Variants in AKAP7 observed in about 807,000 individuals in gnomAD.
AKAP7 encodes A-kinase anchoring protein 7, also known as A kinase (PRKA) anchor protein 7.
In AKAP7, 39 loss-of-function variants were observed where a neutral mutation model predicts 39.5. The observed-to-expected ratio is 0.99, with a 90% CI of 0.76 to 1.29. The LOEUF (loss-of-function observed/expected upper bound fraction) is 1.29. AKAP7 is among the 50% of genes most tolerant of loss of function. The probability of loss-of-function intolerance (pLI) is 0.00; values close to 1 mark genes in which losing one functional copy is unlikely to be tolerated. For synonymous variants in AKAP7, 140 were observed against 139.1 expected, an observed-to-expected ratio of 1.01 and a Z score of -0.05; for missense variants, 414 against 407.7, an observed-to-expected ratio of 1.02 and a Z score of -0.13.
intron 5 of AKAP7, chr6:131,185,082 CG>C: frequency 2.9e-6 from 2 of 689,188 alleles, no homozygotes; most frequent in Non-Finnish European, 5.5e-6. Flanking sequence ...ATCATCAACT[CG>C]GGGATCTGGG....
chr6:131,135,521 C>CGG lies in AKAP7; in HGVS notation c.-243_-242insGG. On this transcript the variant is annotated 5_prime_UTR_variant, in exon 1 of 8. Coordinates refer to ENST00000431975, the MANE Select transcript of AKAP7 (RefSeq NM_016377.4). The stretch of plus-strand genomic sequence containing the variant: ...GCGGGTGCTGCGGCTGCTGCGGCTG[C>CGG]CGCCGCCGCTGCTGCCGCTGCCGCG... 2 of 167,838 alleles carry CGG rather than the reference C, an allele frequency of 1.2e-5. No homozygotes were observed. The highest frequency in any genetic ancestry group is 3.6e-4 in the South Asian group (2 of 5,522). The allele number at this position is 167,838 out of a possible 1,614,324, so 10.4% of individuals were successfully genotyped here. A position where few individuals can be genotyped will look rare whatever the true frequency, so the allele number is the denominator to read the frequency against.
intron 5 of AKAP7, among the ~76,000 whole-genome samples, chr6:131,178,599 G>A (rs902074649): frequency 9.9e-5 from 15 of 152,130 alleles, no homozygotes; most frequent in East Asian, 3.9e-4. Flanking sequence ...CATTTACTTC[G>A]TTTCCACTAC....
At chr6:131,237,847 CA>C (rs1811202194) in intron 7 of AKAP7, among the ~76,000 whole-genome samples, 1 of 151,962 alleles carries the variant, frequency 6.6e-6, no homozygotes. Context: ...TGATCTTTTC[CA>C]AAAACCAGCT....
chr6:131,218,307 C>T (rs1322102568), intron 6 of AKAP7, among the ~76,000 whole-genome samples: 2 of 152,044 alleles, frequency 1.3e-5, no homozygotes, highest in Admixed American at 1.3e-4. Context: ...AAATATTTGG[C>T]ACATCTGTAT....
chr6:131,257,981 CT>C (rs1221720497), intron 7 of AKAP7, among the ~76,000 whole-genome samples: 1 of 152,112 alleles, frequency 6.6e-6, no homozygotes. Context: ...AATTAATACA[CT>C]TTTTTTGTTG....
At chr6:131,227,195 C>G (rs180962128) in intron 7 of AKAP7, among the ~76,000 whole-genome samples, 1 of 152,274 alleles carries the variant, frequency 6.6e-6, no homozygotes, top group East Asian at 1.9e-4. Context: ...CTTTCTGGAG[C>G]AATTGTCTTC....
At chr6:131,279,954 G>A (rs994522171) in intron 7 of AKAP7, among the ~76,000 whole-genome samples, 6 of 152,126 alleles carry the variant, frequency 3.9e-5, no homozygotes, top group African/African-American at 9.7e-5. Flanking sequence ...TATAAACACC[G>A]TGTTGTAAGG....
At chr6:131,154,751 T>A (rs771246192) in intron 2 of AKAP7, among the ~76,000 whole-genome samples, 18 of 152,176 alleles carry the variant, frequency 1.2e-4, no homozygotes, top group African/African-American at 2.7e-4. Flanking sequence ...GTCATAATTT[T>A]AAAAAATCTG....
intron 7 of AKAP7, among the ~76,000 whole-genome samples, chr6:131,224,902 C>A (rs937274504): frequency 6.6e-5 from 10 of 151,666 alleles, no homozygotes; most frequent in Non-Finnish European, 5.9e-5. Flanking sequence ...AAGTGTGCGC[C>A]ACCATGCCCG....
intron 7 of AKAP7, among the ~76,000 whole-genome samples, chr6:131,243,301 A>G (rs1273344612): frequency 6.6e-6 from 1 of 152,226 alleles, no homozygotes; most frequent in African/African-American, 2.4e-5. Context: ...TGGATTAAGA[A>G]ATGTGTGAAC....
upstream of AKAP7, among the ~76,000 whole-genome samples, chr6:131,131,376 C>G (rs1800323631): frequency 1.3e-5 from 2 of 152,118 alleles, no homozygotes; most frequent in South Asian, 4.2e-4. Context: ...GGTTTTGCTT[C>G]AAGATGGCGC....
At chr6:131,133,345 C>A (rs1465673932), upstream of AKAP7, among the ~76,000 whole-genome samples, 2 of 152,162 alleles carry the variant, frequency 1.3e-5, no homozygotes, top group African/African-American at 4.8e-5. Flanking sequence ...CCCATTTGCT[C>A]AAAGAAAGCT....
chr6:131,229,435 G>A (rs569377683), intron 7 of AKAP7, among the ~76,000 whole-genome samples: 12 of 152,036 alleles, frequency 7.9e-5, no homozygotes, highest in South Asian at 2.1e-4. Flanking sequence ...TGCAACCTCC[G>A]CCTCCTGGGT....
intron 5 of AKAP7, chr6:131,184,963 T>TC: frequency 1.3e-6 from 1 of 780,220 alleles, no homozygotes; most frequent in Non-Finnish European, 2.4e-6. Flanking sequence ...CCCCGATGCT[T>TC]GGGAGCATCT....
intron 1 of AKAP7, among the ~76,000 whole-genome samples, chr6:131,142,776 C>T (rs925185579): frequency 8.5e-5 from 13 of 152,248 alleles, no homozygotes; most frequent in African/African-American, 2.9e-4. Context: ...GGAAAAGCTG[C>T]AGACATTCAA....
chr6:131,250,169 GT>G (rs1245461848), intron 7 of AKAP7: 8 of 992,012 alleles, frequency 8.1e-6, no homozygotes, highest in Middle Eastern at 5.1e-4. Context: ...AATTACTGCA[GT>G]TGTCTGTAGG....
At chr6:131,168,290 G>A (rs1470211198) in intron 4 of AKAP7, among the ~76,000 whole-genome samples, 1 of 151,974 alleles carries the variant, frequency 6.6e-6, no homozygotes, top group East Asian at 1.9e-4. Flanking sequence ...ATACACCTGT[G>A]TATTCCAGCT....
At position 131,281,407 on chromosome 6, in the gene AKAP7, C is replaced by G; in HGVS notation, c.851-123C>G. On this transcript the variant is annotated intron_variant, in intron 7 of 7. Transcript: ENST00000431975. This position sits in a 1 kb window ranked among gnomAD's most constrained non-coding sequence, Gnocchi z 4.0. The stretch of plus-strand genomic sequence containing the variant: ...CCAAATGAAAAGCCAACCCACTGTT[C>G]TTGAATTTATAGATCCAATTTACAC... 2.7e-6 allele frequency: 2 copies of G among 741,198 alleles called. No individual in the cohort carries two copies. The highest frequency in any genetic ancestry group is 4.1e-6 in the Non-Finnish European group (2 of 489,466). The allele number at this position is 741,198 out of a possible 1,614,324, so 45.9% of individuals were successfully genotyped here.
intron 6 of AKAP7, among the ~76,000 whole-genome samples, chr6:131,210,446 G>T (rs1562216181): frequency 6.6e-6 from 1 of 152,142 alleles, no homozygotes; most frequent in Non-Finnish European, 1.5e-5. Context: ...TTCCAGTTTT[G>T]TTCCTACAGG....
Sources: allele counts gnomAD v4.1 joint callset (sites outside exome capture counted in the v4.1 genomes callset), GRCh38; gene constraint gnomAD v4.1.1; non-coding constraint Gnocchi (gnomAD v3.1); transcripts MANE v1.5; gene names NCBI Gene and HGNC (gene_info 2026-07-23, HGNC 2026-07-21).